Variants in ATP2A2 observed in about 807,000 individuals in gnomAD.
ATP2A2 encodes the protein sarcoplasmic/endoplasmic reticulum calcium ATPase 2.
In ATP2A2, 14 loss-of-function variants were observed where a neutral mutation model predicts 109.3. That is an observed-to-expected ratio of 0.13 (90% CI 0.08 to 0.20). The LOEUF is 0.20. ATP2A2 is among the 10% of genes least tolerant of loss of function. The pLI is 1.00. For missense variants in ATP2A2, 657 were observed against 1,321.6 expected, an observed-to-expected ratio of 0.50 and a Z score of 7.80; for synonymous variants, 506 against 490.9, an observed-to-expected ratio of 1.03 and a Z score of -0.41.
intron 5 of ATP2A2, among the ~76,000 whole-genome samples, chr12:110,309,312 C>T (rs1875744326): frequency 6.6e-6 from 1 of 151,522 alleles, no homozygotes; most frequent in African/African-American, 2.4e-5. Flanking sequence ...TGCCCGCCAC[C>T]ACACCCGGCT....
chr12:110,350,109 C>T lies in ATP2A2; in HGVS notation c.*3639C>T. ...GTCACTGAGCCAGTGCTTCTAGATG[C>T]TACCCTGTGTGGGCGGCACCTCAGG... On this transcript the variant is annotated 3_prime_UTR_variant, in exon 20 of 20. Transcript: ENST00000539276. 1.3e-6 allele frequency: 2 copies of T among 1,490,440 alleles called. No individual in the cohort carries two copies. The highest frequency in any genetic ancestry group is 1.8e-6 in the Non-Finnish European group (2 of 1,123,668). 92.3% of individuals were successfully genotyped at this position (1,490,440 alleles called of 1,614,324 possible). A position where few individuals can be genotyped will look rare whatever the true frequency, so the allele number is the denominator to read the frequency against.
chr12:110,305,740 T>G lies in ATP2A2; in HGVS notation c.463+9003T>G, dbSNP rs572421216. ...TTCCTTACATTTACATATAAATTTT[T>G]AAGAGTTGCTTGTCAATTTCTGCAG... is the stretch of plus-strand genomic sequence containing the variant. On this transcript the variant is annotated intron_variant, in intron 5 of 19. Coordinates refer to ENST00000539276, the MANE Select transcript of ATP2A2 (RefSeq NM_170665.4). 1.1e-4 allele frequency among the ~76,000 whole-genome samples: 17 copies of G among 152,344 alleles called. 1 individual carries two copies. In the South Asian group the frequency reaches 3.5e-3, roughly 32 times the overall value.
At chr12:110,293,826 A>ATATGTGTGTG (rs1482730636) in intron 4 of ATP2A2, among the ~76,000 whole-genome samples, 1 of 108,590 alleles carries the variant, frequency 9.2e-6, no homozygotes, top group East Asian at 2.9e-4. Context: ...TGCCATATAT[A>ATATGTGTGTG]TGTGTGTGTG....
At chr12:110,311,707 T>G (rs1267731066) in intron 5 of ATP2A2, among the ~76,000 whole-genome samples, 1 of 149,364 alleles carries the variant, frequency 6.7e-6, no homozygotes, top group African/African-American at 2.5e-5. Context: ...CAAAGTCTTT[T>G]GTAAAATATG....
chr12:110,300,811 A>G (rs1489176784), intron 5 of ATP2A2, among the ~76,000 whole-genome samples: 1 of 150,850 alleles, frequency 6.6e-6, no homozygotes, highest in African/African-American at 2.4e-5. Flanking sequence ...GATTTTGATA[A>G]TAGATAGGAG....
chr12:110,313,042 ACT>A (rs2137773603), intron 5 of ATP2A2, among the ~76,000 whole-genome samples: 1 of 152,262 alleles, frequency 6.6e-6, no homozygotes, highest in African/African-American at 2.4e-5. Flanking sequence ...GCCCCTGAGC[ACT>A]GTCAGAATAG....
At chr12:110,290,329 C>G (rs1018075850) in intron 3 of ATP2A2, among the ~76,000 whole-genome samples, 100 of 152,246 alleles carry the variant, frequency 6.6e-4, no homozygotes, top group African/African-American at 2.3e-3. Context: ...GCCACTGTTC[C>G]CGGCCTAGAA....
chr12:110,305,175 C>G (rs1477170035), intron 5 of ATP2A2, among the ~76,000 whole-genome samples: 3 of 152,144 alleles, frequency 2.0e-5, no homozygotes, highest in African/African-American at 7.2e-5. Context: ...TTCAAATGAT[C>G]CGCCTGCCTC....
intron 9 of ATP2A2, among the ~76,000 whole-genome samples, chr12:110,332,978 G>T (rs1025690257): frequency 3.3e-5 from 5 of 152,108 alleles, no homozygotes; most frequent in African/African-American, 1.2e-4. Context: ...TCTTTTTACT[G>T]ATTGATTTCT....
chr12:110,345,937 T>G lies in ATP2A2; in HGVS notation c.2742-64T>G, dbSNP rs559098345. ...ACTGAAGTGTAGTCCAACAGGGTCTTACTGCCACTGTGACACGTGCCTTGC... is the reference window on the plus strand; with the variant it reads ...ACTGAAGTGTAGTCCAACAGGGTCTGACTGCCACTGTGACACGTGCCTTGC... On this transcript the variant is annotated intron_variant, in intron 18 of 19. Transcript: ENST00000539276. 1.1e-5 allele frequency: 17 copies of G among 1,490,848 alleles called. No individual in the cohort carries two copies. The African/African-American group carries it at 1.2e-4, about 11-fold the overall frequency. 92.4% of individuals were successfully genotyped at this position (1,490,848 alleles called of 1,614,324 possible).
Position 110,327,541 on chromosome 12 carries a change from C to T in ATP2A2, c.631-12C>T, listed in dbSNP as rs760228338. 6.2e-7 allele frequency: 1 copy of T among 1,612,228 alleles called. No homozygotes were observed. On this transcript the variant is annotated splice_polypyrimidine_tract_variant and intron_variant, in intron 7 of 19. Transcript: ENST00000539276. The surrounding 1 kb of genome is among the most constrained non-coding windows in gnomAD (Gnocchi z 4.4). ...TATTCATCTTGTGACCAGTTCTCTA[C>T]TTCTGTCCTAGGGTACAAACATTGC...
intron 11 of ATP2A2, among the ~76,000 whole-genome samples, chr12:110,335,072 T>G (rs1878713915): frequency 6.6e-6 from 1 of 152,114 alleles, no homozygotes; most frequent in Non-Finnish European, 1.5e-5. Context: ...ACAGGGCTCA[T>G]TCGACCAGCA....
chr12:110,343,417 G>A lies in ATP2A2; in HGVS notation c.2504G>A (p.Arg835His), dbSNP rs777138647. ...EPLISGWLFFRYLAIGCYVGA... is the reference protein window; with the variant it reads ...EPLISGWLFFHYLAIGCYVGA... ...TTGATCAGCGGGTGGCTCTTTTTCC[G>A]TTACTTGGCTATTGGCTGTGAGTAC... Residue 835 changes from arginine to histidine, a missense_variant, in exon 16 of 20, where the codon CGT (arginine) becomes CAT (histidine). Transcript: ENST00000539276. 14 of 1,614,146 alleles carry A rather than the reference G, an allele frequency of 8.7e-6. No homozygotes were observed. The South Asian group carries it at 9.9e-5, about 11-fold the overall frequency.
intron 5 of ATP2A2, among the ~76,000 whole-genome samples, chr12:110,322,734 A>C (rs1877372688): frequency 6.6e-6 from 1 of 152,204 alleles, no homozygotes; most frequent in Admixed American, 6.5e-5. Context: ...ATACAGAGCA[A>C]AATTTCTTAG....
intron 5 of ATP2A2, among the ~76,000 whole-genome samples, chr12:110,311,605 A>AC (rs1369454819): frequency 1.3e-4 from 19 of 148,698 alleles, no homozygotes; most frequent in Admixed American, 4.0e-4. Context: ...CAAAAAAAAA[A>AC]AAAAAAAAAA....
Position 110,346,478 on chromosome 12 carries a change from T to C in ATP2A2, c.*8T>C, listed in dbSNP as rs781670480. ...GATATGTTCTGGTCTTGACTGACAG[T>C]TTTCCATAAAGAAGATGTTTAACTT... On this transcript the variant is annotated 3_prime_UTR_variant, in exon 20 of 20. Transcript: ENST00000539276. 4.5e-5 allele frequency: 73 copies of C among 1,614,072 alleles called. No homozygotes were observed. Among genetic ancestry groups the C allele is most frequent in the Non-Finnish European group, 5.9e-5 (70 of 1,180,042 alleles).
At chr12:110,315,122 T>G (rs1413245004) in intron 5 of ATP2A2, among the ~76,000 whole-genome samples, 1 of 152,224 alleles carries the variant, frequency 6.6e-6, no homozygotes, top group East Asian at 1.9e-4. Flanking sequence ...TGCCTCAGCC[T>G]TCCAGAGTGC....
chr12:110,316,627 G>A (rs1195968865), intron 5 of ATP2A2, among the ~76,000 whole-genome samples: 1 of 152,202 alleles, frequency 6.6e-6, no homozygotes, highest in Non-Finnish European at 1.5e-5. Flanking sequence ...TGATGTCTGA[G>A]TGACTCTGCC....
chr12:110,341,149 A>AT (rs1879316850), intron 14 of ATP2A2, among the ~76,000 whole-genome samples, 155 bp downstream of exon 14: 1 of 152,124 alleles, frequency 6.6e-6, no homozygotes, highest in Non-Finnish European at 1.5e-5. Flanking sequence ...AGTGGTTAGC[A>AT]TGTTGTGTGC....
Sources: gnomAD v4.1 joint callset for allele counts (sites outside exome capture counted in the v4.1 genomes callset) on GRCh38, gnomAD v4.1.1 for gene constraint, Gnocchi (gnomAD v3.1) non-coding constraint, MANE v1.5 for transcripts, NCBI Gene and HGNC (gene_info 2026-07-23, HGNC 2026-07-21) for gene names.